The following SLC8A1 variants were observed in gnomAD, a reference collection of about 807,000 sequenced individuals.
SLC8A1 encodes sodium/calcium exchanger 1.
In SLC8A1, 18 loss-of-function variants were observed where a neutral mutation model predicts 68.3. The observed-to-expected ratio is 0.26, with a 90% CI of 0.18 to 0.39. The LOEUF (loss-of-function observed/expected upper bound fraction) is 0.39. Ranked by LOEUF, SLC8A1 falls within the 10% of genes least tolerant of loss-of-function variation. SLC8A1 has a pLI of 1.00. For missense variants in SLC8A1, 985 were observed against 1,156.7 expected, an observed-to-expected ratio of 0.85 and a Z score of 2.15; for synonymous variants, 475 against 415.5, an observed-to-expected ratio of 1.14 and a Z score of -1.74.
chr2:40,411,339 G>C (rs766090111), intron 2 of SLC8A1, among the ~76,000 whole-genome samples: 1 of 152,002 alleles, frequency 6.6e-6, no homozygotes. Context: ...ATAAGCACTG[G>C]TAAGGTTTTC....
At chr2:40,450,346 A>ATGTGAGTG (rs1553616798) in intron 1 of SLC8A1, among the ~76,000 whole-genome samples, 5 of 125,818 alleles carry the variant, frequency 4.0e-5, no homozygotes, top group Admixed American at 3.8e-4. Context: ...AAGAGAAAGC[A>ATGTGAGTG]TGTGAGTGTG....
intron 2 of SLC8A1, among the ~76,000 whole-genome samples, chr2:40,226,661 T>C (rs2059020509): frequency 6.6e-6 from 1 of 152,164 alleles, no homozygotes; most frequent in Admixed American, 6.5e-5. Flanking sequence ...CAGACTTACA[T>C]TTTGTTTCCT....
chr2:40,164,725 T>G, intron 5 of SLC8A1, 129 bp downstream of exon 8: 1 of 1,291,512 alleles, frequency 7.7e-7, no homozygotes, highest in Non-Finnish European at 1.1e-6. Flanking sequence ...AGGCTCTCAA[T>G]TCACAAGCCA....
intron 2 of SLC8A1, among the ~76,000 whole-genome samples, chr2:40,248,163 C>A (rs1401589870): frequency 2.6e-5 from 4 of 152,068 alleles, no homozygotes; most frequent in African/African-American, 9.7e-5. Context: ...TGTTAAGAGG[C>A]CTGAATGTTC....
chr2:40,435,062 G>T (rs1380344392), intron 1 of SLC8A1, among the ~76,000 whole-genome samples: 1 of 152,094 alleles, frequency 6.6e-6, no homozygotes, highest in Non-Finnish European at 1.5e-5. Flanking sequence ...GCATATGCTG[G>T]CATTCCTAAC....
rs563539167 is a variant in SLC8A1 at position 40,216,654 on chromosome 2, G to T, written c.1809-38799C>A. Among the ~76,000 whole-genome samples, 3 of 151,950 alleles carry T rather than the reference G, an allele frequency of 2.0e-5. No homozygotes were observed. The East Asian group carries it at 5.8e-4, about 30-fold the overall frequency. ...TGCATTCCTATTTCTCCATTGTGTC[G>T]CCAGTCTCTATTGTTTCTTGACTTT... On this transcript the variant is annotated intron_variant, in intron 2 of 7. Transcript: ENST00000406785.
chr2:40,261,343 G>C lies in SLC8A1; in HGVS notation c.1809-83488C>G, dbSNP rs538873867. Among the ~76,000 whole-genome samples, 5 of 152,230 alleles carry C rather than the reference G, an allele frequency of 3.3e-5. No homozygotes were observed. The South Asian group carries it at 8.3e-4, about 25-fold the overall frequency. Reference sequence around the variant, plus strand: ...CAGCTCTTTTCAGATTCTCTTTCTTGGTTATTTTTCCATCTTGGCTAAAAG... The same window carrying C: ...CAGCTCTTTTCAGATTCTCTTTCTTCGTTATTTTTCCATCTTGGCTAAAAG... On this transcript the variant is annotated intron_variant, in intron 2 of 7. Transcript: ENST00000406785.
chr2:40,370,945 T>C (rs1238012292), intron 2 of SLC8A1, among the ~76,000 whole-genome samples: 1 of 152,068 alleles, frequency 6.6e-6, no homozygotes, highest in East Asian at 1.9e-4. Flanking sequence ...AGTACACTAG[T>C]TGCTATTTGA....
intron 2 of SLC8A1, among the ~76,000 whole-genome samples, chr2:40,236,459 C>A (rs184860868): frequency 1.3e-5 from 2 of 152,250 alleles, no homozygotes; most frequent in Admixed American, 1.3e-4. Context: ...TTTGGCAGAT[C>A]TTCCTCCATC....
chr2:40,414,375 A>C (rs990098170), intron 2 of SLC8A1, among the ~76,000 whole-genome samples: 3 of 152,190 alleles, frequency 2.0e-5, no homozygotes, highest in African/African-American at 7.2e-5. Flanking sequence ...TTAATGTGAC[A>C]GTGTGTCTGA....
intron 1 of SLC8A1, among the ~76,000 whole-genome samples, chr2:40,501,929 A>T (rs772157699): frequency 6.6e-6 from 1 of 152,022 alleles, no homozygotes; most frequent in Non-Finnish European, 1.5e-5. Context: ...CTCTACTCAG[A>T]TGTACTCTGC....
chr2:40,488,507 C>T (rs942668666), intron 1 of SLC8A1, among the ~76,000 whole-genome samples: 12 of 151,740 alleles, frequency 7.9e-5, no homozygotes, highest in Admixed American at 7.2e-4. Context: ...CCATTTAGCA[C>T]GTGGAGAAAA....
chr2:40,174,131 A>T (rs377702645), intron 4 of SLC8A1, among the ~76,000 whole-genome samples: 2 of 152,106 alleles, frequency 1.3e-5, no homozygotes, highest in Admixed American at 1.3e-4. Flanking sequence ...ACTAAAACCT[A>T]AGTCCCCAGA....
chr2:40,415,219 T>C (rs1693443780), intron 2 of SLC8A1, among the ~76,000 whole-genome samples: 1 of 151,752 alleles, frequency 6.6e-6, no homozygotes, highest in African/African-American at 2.4e-5. Context: ...GCTGGAGAGG[T>C]GGTGATGTTG....
At chr2:40,179,768 A>G (rs946049540) in intron 2 of SLC8A1, among the ~76,000 whole-genome samples, 3 of 152,192 alleles carry the variant, frequency 2.0e-5, no homozygotes, top group East Asian at 1.9e-4. Flanking sequence ...CATTAGATCT[A>G]TGCATACTAA....
intron 2 of SLC8A1, among the ~76,000 whole-genome samples, chr2:40,342,038 G>A (rs1667856119): frequency 6.6e-6 from 1 of 152,120 alleles, no homozygotes; most frequent in African/African-American, 2.4e-5. Flanking sequence ...AGGTTATTTA[G>A]TTACTTAGAG....
chr2:40,289,862 A>AAAATTAAATT (rs201875232), intron 2 of SLC8A1, among the ~76,000 whole-genome samples: 8 of 151,836 alleles, frequency 5.3e-5, no homozygotes, highest in South Asian at 2.1e-4. Flanking sequence ...CTCAGTCTCA[A>AAAATTAAATT]AAATTAAATT....
chr2:40,134,389 G>A (rs972647883), intron 7 of SLC8A1, among the ~76,000 whole-genome samples: 1 of 152,086 alleles, frequency 6.6e-6, no homozygotes, highest in Admixed American at 6.6e-5. Context: ...ACCGCACCTG[G>A]TCTACCTAAA....
intron 2 of SLC8A1, among the ~76,000 whole-genome samples, chr2:40,184,249 C>G (rs543758913): frequency 5.9e-5 from 9 of 152,148 alleles, no homozygotes; most frequent in African/African-American, 1.9e-4. Flanking sequence ...GCAGCCAGGG[C>G]TTGCTTTAAA....
Sources: gnomAD v4.1 joint callset for allele counts (sites outside exome capture counted in the v4.1 genomes callset) on GRCh38, gnomAD v4.1.1 for gene constraint, MANE v1.5 for transcripts, NCBI Gene and HGNC (gene_info 2026-07-23, HGNC 2026-07-21) for gene names.